IGFL2: variants seen among roughly 807,000 people sequenced by gnomAD.
IGFL2 encodes IGF like family member 2, also known as insulin growth factor-like family member 2.
A neutral mutation model predicts 13.9 loss-of-function variants in IGFL2; 7 were observed. The ratio of observed to expected loss-of-function variants is 0.51; its 90% CI spans 0.29 to 0.95. The LOEUF (loss-of-function observed/expected upper bound fraction) is 0.95, where lower values mean the gene tolerates loss of function less well. IGFL2 is among the 40% of genes least tolerant of loss of function. The pLI, the probability that IGFL2 is intolerant of heterozygous loss-of-function variation, is 0.08. For missense variants in IGFL2, 138 were observed against 147.8 expected (o/e 0.93, Z 0.34); for synonymous variants, 55 against 55.8 (o/e 0.99, Z 0.07).
At chr19:46,124,724 GT>G in the IGFL2 span, 16 of 1,304,358 alleles carry the variant, frequency 1.2e-5, no homozygotes, top group Non-Finnish European at 1.4e-5. Flanking sequence ...CCTAAATGGG[GT>G]TGTCTGTTAA....
upstream of IGFL2, among the ~76,000 whole-genome samples, chr19:46,144,466 TATC>T (rs1299415621): frequency 6.6e-6 from 1 of 152,206 alleles, no homozygotes; most frequent in Non-Finnish European, 1.5e-5. Context: ...TATCGTATCA[TATC>T]ATACCATATC....
At chr19:46,151,171 TTG>T (rs1973465337) in intron 1 of IGFL2, among the ~76,000 whole-genome samples, 2 of 152,320 alleles carry the variant, frequency 1.3e-5, no homozygotes, top group Middle Eastern at 3.4e-3. Flanking sequence ...GGTGTGGTAT[TTG>T]TCTTTCTGTG....
the IGFL2 span, among the ~76,000 whole-genome samples, chr19:46,118,537 C>T: frequency 6.6e-6 from 1 of 152,180 alleles, no homozygotes; most frequent in African/African-American, 2.4e-5. Flanking sequence ...TTAGGGCCTC[C>T]GGCCTGACAT....
At chr19:46,113,404 AT>A in the IGFL2 span, 1 of 402,554 alleles carries the variant, frequency 2.5e-6, no homozygotes, top group Non-Finnish European at 5.0e-6. Context: ...TCATGGGGAC[AT>A]TTGGAAACTT....
At chr19:46,138,588 C>A (rs1972712163), upstream of IGFL2, among the ~76,000 whole-genome samples, 1 of 152,090 alleles carries the variant, frequency 6.6e-6, no homozygotes, top group Non-Finnish European at 1.5e-5. Flanking sequence ...TGCTTGCTGG[C>A]AAAGTGGTGA....
At chr19:46,091,413 G>A in the IGFL2 span, among the ~76,000 whole-genome samples, 2 of 152,194 alleles carry the variant, frequency 1.3e-5, no homozygotes, top group East Asian at 3.8e-4. Flanking sequence ...CATGTAAGGT[G>A]CTTGGCCTAC....
the IGFL2 span, among the ~76,000 whole-genome samples, chr19:46,085,809 C>G: frequency 1.9e-4 from 29 of 152,234 alleles, no homozygotes; most frequent in Admixed American, 1.3e-3. Context: ...TCTTGTAAGG[C>G]AGGTCTGGCA....
chr19:46,151,150 A>G (rs1392019597), intron 1 of IGFL2, among the ~76,000 whole-genome samples: 1 of 152,122 alleles, frequency 6.6e-6, no homozygotes, highest in African/African-American at 2.4e-5. Flanking sequence ...GATTCTACAT[A>G]CAAGTGAGAT....
chr19:46,149,098 G>A, intron 1 of IGFL2: 1 of 1,302,166 alleles, frequency 7.7e-7, no homozygotes, highest in Non-Finnish European at 1.1e-6. Context: ...ATCAAGATGA[G>A]CAATGCCTGC....
At chr19:46,160,566 C>T in intron 2 of IGFL2, 48 bp from the exon 3 acceptor site, 1 of 1,613,276 alleles carries the variant, frequency 6.2e-7, no homozygotes, top group Non-Finnish European at 8.5e-7. Flanking sequence ...GGATGTAGTG[C>T]CTGGTTATCC....
the IGFL2 span, among the ~76,000 whole-genome samples, chr19:46,168,866 T>C: frequency 3.9e-5 from 1 of 25,796 alleles, no homozygotes; most frequent in Non-Finnish European, 1.1e-4. Context: ...TTTTTTTCTG[T>C]ACTTATTTTT....
At chr19:46,149,497 C>A (rs1355351932) in intron 1 of IGFL2, among the ~76,000 whole-genome samples, 1 of 151,424 alleles carries the variant, frequency 6.6e-6, no homozygotes, top group Non-Finnish European at 1.5e-5. Context: ...GCTCCATAGC[C>A]CCCGACCACC....
At chr19:46,194,830 TTATATATA>T in the IGFL2 span, among the ~76,000 whole-genome samples, 7 of 46,792 alleles carry the variant, frequency 1.5e-4, no homozygotes, top group African/African-American at 4.0e-4. Flanking sequence ...CTTCCTCATT[TTATATATA>T]TATATATATA....
At chr19:46,100,572 G>A in the IGFL2 span, among the ~76,000 whole-genome samples, 1 of 152,326 alleles carries the variant, frequency 6.6e-6, no homozygotes, top group African/African-American at 2.4e-5. Context: ...AATCAGATAT[G>A]CATTAGTGTC....
downstream of IGFL2, among the ~76,000 whole-genome samples, chr19:46,161,770 G>A (rs1453288361): frequency 6.6e-6 from 1 of 152,134 alleles, no homozygotes; most frequent in Non-Finnish European, 1.5e-5. Flanking sequence ...TTTTTATCCA[G>A]CTTACTAGTC....
rs192723350 is a variant in IGFL2 at position 46,152,685 on chromosome 19, A to G, written c.19+4388A>G. ...CATTTTATCTTCTTGCCTAACTTTC[A>G]TGGCTTGAACCGCCAATGCTATCTT... On this transcript the variant is annotated intron_variant, in intron 1 of 3. Transcript: ENST00000377693. 1.4e-3 allele frequency among the ~76,000 whole-genome samples: 208 copies of G among 152,298 alleles called. 1 individual carries two copies. The highest frequency in any genetic ancestry group is 2.3e-3 in the Non-Finnish European group (158 of 68,028).
upstream of IGFL2, among the ~76,000 whole-genome samples, chr19:46,145,317 A>T (rs1973065166): frequency 6.6e-6 from 1 of 151,654 alleles, no homozygotes; most frequent in Non-Finnish European, 1.5e-5. Context: ...TCTCTCTTTC[A>T]TATATGTTTG....
the IGFL2 span, among the ~76,000 whole-genome samples, chr19:46,129,977 A>C: frequency 2.0e-5 from 3 of 152,126 alleles, no homozygotes; most frequent in African/African-American, 7.2e-5. Flanking sequence ...GTTTCCCACT[A>C]TTATTGTATG....
chr19:46,148,647 A>G (rs1973270421), intron 1 of IGFL2, among the ~76,000 whole-genome samples: 2 of 152,186 alleles, frequency 1.3e-5, no homozygotes, highest in Non-Finnish European at 2.9e-5. Context: ...AATCACTGTC[A>G]TTCTTCTCTC....
Sources: gnomAD v4.1 joint callset for allele counts (sites outside exome capture counted in the v4.1 genomes callset) on GRCh38, gnomAD v4.1.1 for gene constraint, MANE v1.5 for transcripts, NCBI Gene and HGNC (gene_info 2026-07-23, HGNC 2026-07-21) for gene names.